The following ZSWIM6 variants were observed in gnomAD, a reference collection of about 807,000 sequenced individuals.
ZSWIM6 encodes the protein zinc finger SWIM-type containing 6, also known as zinc finger SWIM domain-containing protein 6.
In ZSWIM6, 9 loss-of-function variants were observed where a neutral mutation model predicts 113.2. The ratio of observed to expected loss-of-function variants is 0.08; its 90% CI spans 0.05 to 0.14. The LOEUF (loss-of-function observed/expected upper bound fraction) is 0.14, where lower values mean the gene tolerates loss of function less well. Among genes scored for constraint, ZSWIM6 ranks in the 10% least tolerant of loss-of-function variants. The pLI is 1.00. For synonymous variants in ZSWIM6, 611 were observed against 606.5 expected (o/e 1.01, Z -0.11); for missense variants, 1,162 against 1,552.2 (o/e 0.75, Z 4.22).
At chr5:61,431,383 A>C (rs1164381770) in intron 1 of ZSWIM6, among the ~76,000 whole-genome samples, 29 of 148,738 alleles carry the variant, frequency 1.9e-4, no homozygotes, top group Admixed American at 9.3e-4. Flanking sequence ...AAAAAAAAAA[A>C]AAAAAAAAAA....
intron 2 of ZSWIM6, among the ~76,000 whole-genome samples, chr5:61,487,812 A>G (rs1318963849): frequency 1.3e-5 from 2 of 152,054 alleles, no homozygotes; most frequent in African/African-American, 2.4e-5. Flanking sequence ...GGAAGATTGT[A>G]TCATCCGTGA....
At chr5:61,531,053 T>G (rs1161164735) in intron 8 of ZSWIM6, among the ~76,000 whole-genome samples, 1 of 152,210 alleles carries the variant, frequency 6.6e-6, no homozygotes, top group South Asian at 2.1e-4. Context: ...GGGTTATATA[T>G]GTTATGTTCC....
chr5:61,466,367 A>G (rs1358107237), intron 1 of ZSWIM6, among the ~76,000 whole-genome samples: 2 of 152,212 alleles, frequency 1.3e-5, no homozygotes, highest in African/African-American at 4.8e-5. Flanking sequence ...CTTTAAAAAA[A>G]TTACAGAAAA....
intron 1 of ZSWIM6, among the ~76,000 whole-genome samples, chr5:61,336,227 G>A (rs920221221): frequency 2.0e-5 from 3 of 152,048 alleles, no homozygotes; most frequent in African/African-American, 7.2e-5. Context: ...TCGTACCATT[G>A]CACTCCAGCC....
chr5:61,333,009 G>GGCGC, intron 1 of ZSWIM6, 61 bp downstream of exon 1: 1 of 439,902 alleles, frequency 2.3e-6, no homozygotes, highest in Non-Finnish European at 3.2e-6. Context: ...TGGGGGGGGG[G>GGCGC]TGCCCGCCTT....
chr5:61,378,789 C>T (rs913651481), intron 1 of ZSWIM6, among the ~76,000 whole-genome samples: 8 of 152,098 alleles, frequency 5.3e-5, no homozygotes, highest in African/African-American at 1.4e-4. Flanking sequence ...CTCCTGACCT[C>T]AGGTGATCTG....
chr5:61,338,206 TATTAGAATTAAG>T (rs988902687), intron 1 of ZSWIM6, among the ~76,000 whole-genome samples: 25 of 151,992 alleles, frequency 1.6e-4, no homozygotes, highest in Admixed American at 2.6e-4. Flanking sequence ...AAAAGAACAT[TATTAGAATTAAG>T]ATGGGTACAA....
At chr5:61,470,491 G>T (rs931472148) in intron 1 of ZSWIM6, among the ~76,000 whole-genome samples, 1 of 152,120 alleles carries the variant, frequency 6.6e-6, no homozygotes, top group Non-Finnish European at 1.5e-5. Context: ...CAGCAAGACT[G>T]CCCTCATTAT....
intron 2 of ZSWIM6, among the ~76,000 whole-genome samples, chr5:61,475,226 A>G (rs1039256600): frequency 1.3e-5 from 2 of 152,098 alleles, no homozygotes; most frequent in African/African-American, 4.8e-5. Flanking sequence ...TCCTTAGGTC[A>G]TGTAATCTGC....
chr5:61,353,529 C>T (rs1744834067), intron 1 of ZSWIM6, among the ~76,000 whole-genome samples: 2 of 152,170 alleles, frequency 1.3e-5, no homozygotes, highest in South Asian at 2.1e-4. Context: ...TCACAGTCCT[C>T]CTTGGTCTGT....
At chr5:61,475,708 C>T (rs1002771750) in intron 2 of ZSWIM6, among the ~76,000 whole-genome samples, 2 of 152,154 alleles carry the variant, frequency 1.3e-5, no homozygotes, top group African/African-American at 4.8e-5. Context: ...AGGTAGGAAG[C>T]AAGCCACGGT....
intron 5 of ZSWIM6, 110 bp from the exon 6 acceptor site, chr5:61,525,690 G>A: frequency 7.7e-7 from 1 of 1,301,896 alleles, no homozygotes; most frequent in Non-Finnish European, 1.1e-6. Context: ...AGGGGGTGCA[G>A]GACAATGTGT....
chr5:61,516,591 C>G (rs1407987329), intron 4 of ZSWIM6, among the ~76,000 whole-genome samples: 1 of 149,800 alleles, frequency 6.7e-6, no homozygotes, highest in Non-Finnish European at 1.5e-5. Flanking sequence ...CCTTTACTCT[C>G]CCTTTTTTAT....
At chr5:61,523,884 T>C (rs145932116) in intron 5 of ZSWIM6, among the ~76,000 whole-genome samples, 161 of 152,338 alleles carry the variant, frequency 1.1e-3, no homozygotes, top group African/African-American at 3.7e-3. Context: ...TCTACACTTA[T>C]ATAGTCACAT....
chr5:61,523,967 G>A (rs536045672), intron 5 of ZSWIM6, among the ~76,000 whole-genome samples: 2 of 152,284 alleles, frequency 1.3e-5, no homozygotes, highest in South Asian at 4.1e-4. Context: ...CTTGCTATTT[G>A]AGCCAAATCA....
At chr5:61,499,973 A>G (rs986299686) in intron 4 of ZSWIM6, among the ~76,000 whole-genome samples, 3 of 152,128 alleles carry the variant, frequency 2.0e-5, no homozygotes, top group Admixed American at 2.0e-4. Flanking sequence ...CTCATTTTAC[A>G]GCCAATAATA....
intron 1 of ZSWIM6, among the ~76,000 whole-genome samples, chr5:61,398,297 G>A (rs1259385968): frequency 8.5e-5 from 13 of 152,144 alleles, no homozygotes. Flanking sequence ...ACCTTATTGT[G>A]AACTGTGTAT....
chr5:61,544,247 T>C lies in ZSWIM6; in HGVS notation c.3578T>C (p.Ile1193Thr), dbSNP rs1353617498. 1.9e-6 allele frequency: 3 copies of C among 1,549,944 alleles called. No homozygotes were observed. The highest frequency in any genetic ancestry group is 4.9e-5 in the East Asian group (2 of 40,792). ...HDGHIQFTQF[I>T]DNLKQIYKGK... ...GGACACATTCAGTTTACACAGTTTA[T>C]TGACAACCTGAAACAAATCTACAAA... The change falls in exon 14 of 14, where the codon ATT becomes ACT. Residue 1193 changes from isoleucine to threonine, a missense_variant. Transcript: ENST00000252744.
At chr5:61,389,554 CAAAAAA>C (rs60533774) in intron 1 of ZSWIM6, among the ~76,000 whole-genome samples, 7 of 50,980 alleles carry the variant, frequency 1.4e-4, no homozygotes, top group African/African-American at 2.9e-4. Flanking sequence ...GACTCAGTCT[CAAAAAA>C]AAAAAAAAAA....
Sources: gnomAD v4.1 joint callset for allele counts (sites outside exome capture counted in the v4.1 genomes callset) on GRCh38, gnomAD v4.1.1 for gene constraint, MANE v1.5 for transcripts, NCBI Gene and HGNC (gene_info 2026-07-23, HGNC 2026-07-21) for gene names.